DPF3: variants seen among roughly 807,000 people sequenced by gnomAD.
The protein encoded by DPF3 is zinc finger protein DPF3.
A neutral mutation model predicts 56.8 loss-of-function variants in DPF3; 18 were observed. The ratio of observed to expected loss-of-function variants is 0.32; its 90% CI spans 0.22 to 0.47. DPF3 has a LOEUF of 0.47. Among genes scored for constraint, DPF3 ranks in the 20% least tolerant of loss-of-function variants. The probability of loss-of-function intolerance (pLI) is 1.00; values close to 1 mark genes in which losing one functional copy is unlikely to be tolerated. For missense variants in DPF3, 403 were observed against 488.8 expected (o/e 0.82, Z 1.65); for synonymous variants, 188 against 180.2 (o/e 1.04, Z -0.35).
rs562201828 is a variant in DPF3, at chr14:72,765,922, A to G, written c.193+5811T>C. Among the ~76,000 whole-genome samples, 17 of 152,338 alleles carry G rather than the reference A, an allele frequency of 1.1e-4. 1 individual carries two copies. Among genetic ancestry groups the G allele is most frequent in the Non-Finnish European group, 1.6e-4 (11 of 68,042 alleles). ...AGGCGAGACTCCATCTCAAAAAAAA[A>G]CAAAAGGGAGTATACAGTGTGTGTT... On this transcript the variant is annotated intron_variant, in intron 2 of 10. Coordinates refer to ENST00000556509, the MANE Select transcript of DPF3 (RefSeq NM_001280542.3).
At chr14:72,831,296 C>A (rs760047044) in intron 1 of DPF3, among the ~76,000 whole-genome samples, 2 of 152,012 alleles carry the variant, frequency 1.3e-5, no homozygotes, top group African/African-American at 4.8e-5. Flanking sequence ...TAGTAGAAAC[C>A]CCACCAAGAC....
At position 72,615,542 on chromosome 14, in the gene DPF3, C is replaced by T. The variant is rs975896510; in HGVS notation, c.*3755G>A. Among the ~76,000 whole-genome samples the T allele has an allele frequency of 6.6e-6, 1 of 152,190 alleles. No individual in the cohort carries two copies. Among genetic ancestry groups the T allele is most frequent in the Non-Finnish European group, 1.5e-5 (1 of 68,032 alleles). On this transcript the variant is annotated 3_prime_UTR_variant, in exon 11 of 11. Coordinates refer to ENST00000556509, the MANE Select transcript of DPF3 (RefSeq NM_001280542.3). ...AAACCATCACTGTGAAACCCAAACC[C>T]TCCCCCAACTTCAAAACCTGTTCTC...
intron 1 of DPF3, among the ~76,000 whole-genome samples, chr14:72,807,351 T>C (rs574861068): frequency 1.1e-4 from 17 of 152,232 alleles, no homozygotes; most frequent in Non-Finnish European, 2.1e-4. Flanking sequence ...GAAATGTGCC[T>C]AGCACTGTTT....
chr14:72,637,280 T>C (rs759656294), intron 8 of DPF3, among the ~76,000 whole-genome samples: 20 of 152,166 alleles, frequency 1.3e-4, no homozygotes, highest in Non-Finnish European at 2.6e-4. Context: ...TACATCATGG[T>C]TGGTCTTCTT....
At chr14:72,748,434 G>C (rs956017234) in intron 3 of DPF3, among the ~76,000 whole-genome samples, 3 of 150,574 alleles carry the variant, frequency 2.0e-5, no homozygotes, top group Non-Finnish European at 4.4e-5. Context: ...GGGAAGCAGA[G>C]CATAACAGTT....
chr14:72,642,612 T>G (rs1885596509), intron 8 of DPF3, among the ~76,000 whole-genome samples: 1 of 152,220 alleles, frequency 6.6e-6, no homozygotes, highest in African/African-American at 2.4e-5. Context: ...TTCGGTTTCC[T>G]GGGTCCAACT....
At chr14:72,711,555 A>G (rs753508753) in intron 6 of DPF3, among the ~76,000 whole-genome samples, 4 of 152,104 alleles carry the variant, frequency 2.6e-5, no homozygotes, top group Non-Finnish European at 5.9e-5. Context: ...ACTTGATGCT[A>G]CTTCTTAGGA....
chr14:72,771,717 G>A lies in DPF3; in HGVS notation c.193+16C>T. On this transcript the variant is annotated intron_variant, in intron 2 of 10. Transcript: ENST00000556509. ...GAGCCTGCACATGCGCATGTCCCAG[G>A]AGTGGCGCAGCTCACCTGGGCCTCG... 1 of 1,606,684 alleles carries A rather than the reference G, an allele frequency of 6.2e-7. No homozygotes were observed. Among genetic ancestry groups the A allele is most frequent in the Non-Finnish European group, 8.5e-7 (1 of 1,176,514 alleles).
chr14:72,755,237 G>C (rs544187893), intron 2 of DPF3, among the ~76,000 whole-genome samples: 1 of 152,310 alleles, frequency 6.6e-6, no homozygotes, highest in Non-Finnish European at 1.5e-5. Context: ...TGGCAAGAGT[G>C]CAAAAGTGTC....
chr14:72,861,109 CCA>C (rs1431126130), intron 1 of DPF3, among the ~76,000 whole-genome samples: 2 of 151,966 alleles, frequency 1.3e-5, no homozygotes, highest in East Asian at 3.9e-4. Flanking sequence ...CCCCTATGCT[CCA>C]TCTGTCTGCC....
At position 72,731,838 on chromosome 14, in the gene DPF3, G is replaced by A; in HGVS notation, c.398C>T (p.Ala133Val). Residue 133 changes from alanine (A) to valine (V), a missense_variant, in exon 4 of 11, where the codon GCC (alanine) becomes GTC (valine). Around this residue, in one of 2 missense-constraint regions of DPF3, gnomAD observed 340 missense variants for 374.3 expected, o/e 0.91. Coordinates refer to ENST00000556509, the MANE Select transcript of DPF3 (RefSeq NM_001280542.3). ...TTCCTGGATGCTTTCCTCCTCCCTG[G>A]CATCCACCTTCTTCTCAACCCCCTC... ...RGEGVEKKVD[A>V]REEESIQEIQ... 2 of 1,613,230 alleles carry A rather than the reference G, an allele frequency of 1.2e-6. No individual in the cohort carries two copies. Among genetic ancestry groups the A allele is most frequent in the Non-Finnish European group, 1.7e-6 (2 of 1,179,632 alleles).
chr14:72,679,519 G>A (rs888866022), intron 7 of DPF3, among the ~76,000 whole-genome samples: 1 of 152,204 alleles, frequency 6.6e-6, no homozygotes, highest in Admixed American at 6.5e-5. Flanking sequence ...AAGTTGGGGT[G>A]CACAGCCCTT....
At chr14:72,764,091 G>C (rs1599420526) in intron 2 of DPF3, among the ~76,000 whole-genome samples, 1 of 152,198 alleles carries the variant, frequency 6.6e-6, no homozygotes, top group Non-Finnish European at 1.5e-5. Flanking sequence ...GCTGGGACCT[G>C]CTGGATAGCC....
At chr14:72,703,045 G>T (rs150172927) in intron 6 of DPF3, among the ~76,000 whole-genome samples, 1 of 152,290 alleles carries the variant, frequency 6.6e-6, no homozygotes, top group East Asian at 1.9e-4. Context: ...TGGATCAGAT[G>T]ATCTCTAAGT....
intron 8 of DPF3, among the ~76,000 whole-genome samples, chr14:72,632,167 T>C (rs1051176825): frequency 6.6e-6 from 1 of 152,258 alleles, no homozygotes; most frequent in Non-Finnish European, 1.5e-5. Context: ...AGCAAGGCAG[T>C]AAGTGGGTCA....
At position 72,819,406 on chromosome 14, in the gene DPF3, G is replaced by A. The variant is rs897819227; in HGVS notation, c.33-47513C>T. Among the ~76,000 whole-genome samples the A allele has an allele frequency of 3.9e-5, 6 of 152,108 alleles. No individual in the cohort carries two copies. The East Asian group carries it at 5.8e-4, about 15-fold the overall frequency. On this transcript the variant is annotated intron_variant, in intron 1 of 10. Coordinates refer to ENST00000556509, the MANE Select transcript of DPF3 (RefSeq NM_001280542.3). ...AAAAAAGAGACATACACAGATGCTC[G>A]TGGCAACTTTATTCATAATAGCCAA...
rs568821013 is a variant in DPF3 at position 72,616,602 on chromosome 14, G to C, written c.*2695C>G. Among the ~76,000 whole-genome samples the C allele has an allele frequency of 6.6e-6, 1 of 152,182 alleles. No homozygotes were observed. Among genetic ancestry groups the C allele is most frequent in the Non-Finnish European group, 1.5e-5 (1 of 68,042 alleles). ...TAACATGATGCTTAAGAGTCCCAGT[G>C]TCACTCTGGAATAGGCAGGGCAAGT... On this transcript the variant is annotated 3_prime_UTR_variant, in exon 11 of 11. Coordinates refer to ENST00000556509, the MANE Select transcript of DPF3 (RefSeq NM_001280542.3).
At chr14:72,884,111 T>C (rs1011218876) in intron 1 of DPF3, among the ~76,000 whole-genome samples, 1 of 152,052 alleles carries the variant, frequency 6.6e-6, no homozygotes, top group African/African-American at 2.4e-5. Context: ...AGGCCCAAGT[T>C]CCCAGAAGAG....
chr14:72,647,945 C>G (rs921372408), intron 8 of DPF3, among the ~76,000 whole-genome samples: 37 of 152,258 alleles, frequency 2.4e-4, no homozygotes, highest in Admixed American at 2.4e-3. Context: ...TCTCCTCTCA[C>G]GTCGTCACTG....
Sources: gnomAD v4.1 joint callset for allele counts (sites outside exome capture counted in the v4.1 genomes callset) on GRCh38, gnomAD v4.1.1 for gene constraint, gnomAD v4.1.1 regional missense constraint, MANE v1.5 for transcripts, NCBI Gene and HGNC (gene_info 2026-07-23, HGNC 2026-07-21) for gene names.